The following USH1C variants were observed in gnomAD, a reference collection of about 807,000 sequenced individuals.
USH1C encodes the protein harmonin.
Under a neutral mutation model 119.3 loss-of-function variants are expected in USH1C, and 90 were observed. The observed-to-expected ratio is 0.75, with a 90% CI of 0.64 to 0.90. The LOEUF (loss-of-function observed/expected upper bound fraction) is 0.90, where lower values mean the gene tolerates loss of function less well. Ranked by LOEUF, USH1C falls within the 40% of genes least tolerant of loss-of-function variation. The pLI is 0.00. For missense variants in USH1C, 1,165 were observed against 1,167.7 expected (o/e 1.00, Z 0.03); for synonymous variants, 465 against 443.3 (o/e 1.05, Z -0.62).
intron 21 of USH1C, 44 bp downstream of exon 21, chr11:17,501,894 CT>C (rs763606799): frequency 9.1e-5 from 146 of 1,604,602 alleles, no homozygotes; most frequent in Admixed American, 1.3e-4. Flanking sequence ...CCACACTGCC[CT>C]GTTCCTGGGG....
chr11:17,542,983 C>T (rs953241368), intron 1 of USH1C, among the ~76,000 whole-genome samples: 1 of 152,216 alleles, frequency 6.6e-6, no homozygotes, highest in Non-Finnish European at 1.5e-5. Context: ...CCAGTTTGAG[C>T]TGTCCCTTTG....
chr11:17,519,737 A>T (rs535934589), intron 14 of USH1C, among the ~76,000 whole-genome samples: 1 of 152,242 alleles, frequency 6.6e-6, no homozygotes, highest in Non-Finnish European at 1.5e-5. Flanking sequence ...GGACCAGGAG[A>T]TGACACTGCC....
intron 13 of USH1C, 40 bp from the exon 14 acceptor site, chr11:17,521,034 C>T (rs755080540): frequency 8.1e-6 from 13 of 1,612,766 alleles, no homozygotes; most frequent in South Asian, 3.3e-5. Context: ...GAGTCAGAAC[C>T]CCCATAGGCC....
chr11:17,498,301 T>C, intron 23 of USH1C, 30 bp from the exon 24 acceptor site: 2 of 1,603,736 alleles, frequency 1.2e-6, no homozygotes, highest in Non-Finnish European at 1.7e-6. Context: ...ATTGGCCAAC[T>C]GGGCTGTATG....
At chr11:17,536,308 A>T (rs538772484) in intron 1 of USH1C, among the ~76,000 whole-genome samples, 55 of 152,368 alleles carry the variant, frequency 3.6e-4, no homozygotes, top group African/African-American at 9.6e-4. Context: ...GTTCCCTCTT[A>T]TCCCTCTTTG....
At chr11:17,515,968 T>C (rs2133845860) in intron 15 of USH1C, among the ~76,000 whole-genome samples, 1 of 152,346 alleles carries the variant, frequency 6.6e-6, no homozygotes, top group Middle Eastern at 3.4e-3. Flanking sequence ...TCCTGCCCCT[T>C]TCCTGTTCCC....
intron 15 of USH1C, among the ~76,000 whole-genome samples, chr11:17,514,797 C>CT (rs57651457): frequency 0.028 from 3,939 of 138,794 alleles, 182 homozygotes; most frequent in African/African-American, 0.1. Flanking sequence ...AGAAGCAATT[C>CT]TTTTTTTTTT....
chr11:17,494,301 T>G lies in USH1C; in HGVS notation c.*31A>C. On this transcript the variant is annotated 3_prime_UTR_variant, in exon 27 of 27. Coordinates refer to ENST00000005226, the MANE Select transcript of USH1C (RefSeq NM_153676.4). The stretch of plus-strand genomic sequence containing the variant: ...CTCAAGGCTGATCCGAGGCTTTGTG[T>G]TCACGAGGTGGGGCCGGAGCTCACT... The G allele has an allele frequency of 6.2e-7, 1 of 1,604,338 alleles. No individual in the cohort carries two copies.
chr11:17,544,342 C>T lies in USH1C; in HGVS notation c.-35G>A, dbSNP rs1215907052. ...AGGTCCAGCTGCGTCGTTGCACGAC[C>T]CGTTCCTTCGGGTGCCCGGCTGCCA... On this transcript the variant is annotated 5_prime_UTR_variant, in exon 1 of 27. Transcript: ENST00000005226. The T allele has an allele frequency of 1.2e-6, 2 of 1,613,740 alleles. No individual in the cohort carries two copies. Among genetic ancestry groups the T allele is most frequent in the Admixed American group, 1.7e-5 (1 of 60,024 alleles).
At chr11:17,512,096 T>C (rs1417560021) in intron 15 of USH1C, 42 bp from the exon 16 acceptor site, 4 of 1,607,306 alleles carry the variant, frequency 2.5e-6, no homozygotes, top group Admixed American at 3.3e-5. Context: ...AGGTTAGAAA[T>C]AGTGTCGACA....
intron 4 of USH1C, among the ~76,000 whole-genome samples, chr11:17,528,821 G>T (rs1023289488): frequency 6.6e-6 from 1 of 152,238 alleles, no homozygotes; most frequent in East Asian, 1.9e-4. Flanking sequence ...GCCCACTAAA[G>T]AACTCTCTAG....
At chr11:17,521,504 T>TCCAAC in intron 12 of USH1C, 93 bp from the exon 13 acceptor site, 3 of 1,386,404 alleles carry the variant, frequency 2.2e-6, no homozygotes, top group Non-Finnish European at 3.1e-6. Context: ...AAAAGTTGGA[T>TCCAAC]TTTTCTCCAG....
intron 15 of USH1C, among the ~76,000 whole-genome samples, chr11:17,515,880 C>T (rs972689111): frequency 2.0e-5 from 3 of 152,194 alleles, no homozygotes; most frequent in African/African-American, 7.2e-5. Context: ...ACACCCACTC[C>T]GATAATTTGC....
chr11:17,539,308 C>A (rs1851357624), intron 1 of USH1C, among the ~76,000 whole-genome samples: 1 of 152,150 alleles, frequency 6.6e-6, no homozygotes, highest in South Asian at 2.1e-4. Flanking sequence ...CTGTGTGTGG[C>A]CCAGACACAG....
Position 17,494,017 on chromosome 11 carries a change from C to T in USH1C, c.*315G>A. The T allele has an allele frequency of 2.2e-6, 1 of 455,386 alleles. No individual in the cohort carries two copies. The highest frequency in any genetic ancestry group is 4.3e-5 in the East Asian group (1 of 23,378). 28.2% of individuals were successfully genotyped at this position (455,386 alleles called of 1,614,324 possible). ...GGAGAGAGAGAGACTCCAGTGGGGT[C>T]TTATTAGGGTTCAAGGAAGGAGTCC... On this transcript the variant is annotated 3_prime_UTR_variant, in exon 27 of 27. Transcript: ENST00000005226.
chr11:17,516,114 G>T, intron 15 of USH1C, 127 bp downstream of exon 15: 1 of 1,041,092 alleles, frequency 9.6e-7, no homozygotes, highest in Non-Finnish European at 1.5e-6. Flanking sequence ...TGGAGATGGA[G>T]TTAGCCTTCC....
intron 26 of USH1C, chr11:17,495,216 T>C (rs1849203368): frequency 2.8e-6 from 1 of 353,486 alleles, no homozygotes; most frequent in South Asian, 2.8e-5. Flanking sequence ...CAGCCCCACA[T>C]GCCTGGTTCG....
At chr11:17,519,098 T>TC (rs150291114) in intron 14 of USH1C, among the ~76,000 whole-genome samples, 30,980 of 151,602 alleles carry the variant, frequency 0.2, 4,219 homozygotes, top group African/African-American at 0.39. Flanking sequence ...GCAAACTGGG[T>TC]GCTGAGTTGA....
chr11:17,516,315 A>G, intron 14 of USH1C, 25 bp from the exon 15 acceptor site: 2 of 1,609,608 alleles, frequency 1.2e-6, no homozygotes, highest in Non-Finnish European at 8.5e-7. Context: ...TAACAAAATG[A>G]TGAGACACAG....
Sources: allele counts gnomAD v4.1 joint callset (sites outside exome capture counted in the v4.1 genomes callset), GRCh38; gene constraint gnomAD v4.1.1; transcripts MANE v1.5; gene names NCBI Gene and HGNC (gene_info 2026-07-23, HGNC 2026-07-21).